DIABLO: variants seen among roughly 807,000 people sequenced by gnomAD.
DIABLO encodes diablo IAP-binding mitochondrial protein, also known as diablo homolog, mitochondrial.
DIABLO carries 32 observed loss-of-function variants against 31.7 expected under a neutral mutation model. The observed-to-expected ratio is 1.01, with a 90% CI of 0.76 to 1.35. The LOEUF (loss-of-function observed/expected upper bound fraction) is 1.35. Ranked by LOEUF, DIABLO falls within the 40% of genes most tolerant of loss-of-function variation. The pLI is 0.00. For missense variants in DIABLO, 316 were observed against 286.4 expected (o/e 1.10, Z -0.75); for synonymous variants, 132 against 103.2 (o/e 1.28, Z -1.69).
intron 5 of DIABLO, among the ~76,000 whole-genome samples, chr12:122,214,119 A>C (rs28579554): frequency 0.058 from 8,816 of 152,174 alleles, 651 homozygotes; most frequent in African/African-American, 0.17. Context: ...ACAACAACAA[A>C]AAAAACCTTC....
intron 5 of DIABLO, chr12:122,209,990 G>T: frequency 1.7e-6 from 1 of 574,418 alleles, no homozygotes; most frequent in Non-Finnish European, 3.1e-6. Flanking sequence ...TATGTTAAGT[G>T]GTTTTTCTCC....
In DIABLO at chr12:122,207,846, T is replaced by C. The variant is rs563814221; in HGVS notation, c.*535A>G. The C allele has an allele frequency of 6.5e-6, 3 of 460,552 alleles. No individual in the cohort carries two copies. The highest frequency in any genetic ancestry group is 4.6e-5 in the South Asian group (3 of 64,528). The allele number at this position is 460,552 out of a possible 1,614,324, so 28.5% of individuals were successfully genotyped here. ...TCTGCACCCCTTCTCTTAGTAGTAA[T>C]AGGTTTTTCACTCCTTGGCCTCAGC... On this transcript the variant is annotated 3_prime_UTR_variant, in exon 6 of 6. Transcript: ENST00000464942.
At position 122,208,327 on chromosome 12, in the gene DIABLO, A is replaced by G. The variant is rs7294427; in HGVS notation, c.*54T>C. 0.041 allele frequency: 65,914 copies of G among 1,597,692 alleles called. 12,184 individuals are homozygous for G. The African/African-American group carries it at 0.55, about 13-fold the overall frequency. On this transcript the variant is annotated 3_prime_UTR_variant, in exon 6 of 6. Coordinates refer to ENST00000464942, the MANE Select transcript of DIABLO (RefSeq NM_001371333.1). Reference sequence around the variant, plus strand: ...TCATGCCAACCCTGGGCAGGGTGGCATCTGCCCCTGCTTTCCCCACTGAGT... The same window carrying G: ...TCATGCCAACCCTGGGCAGGGTGGCGTCTGCCCCTGCTTTCCCCACTGAGT...
At chr12:122,219,498 C>T (rs931248061) in intron 2 of DIABLO, among the ~76,000 whole-genome samples, 1 of 151,988 alleles carries the variant, frequency 6.6e-6, no homozygotes, top group Non-Finnish European at 1.5e-5. Context: ...AGGGAGCAAT[C>T]AGTTCTATGT....
At chr12:122,221,202 G>C (rs538636830) in intron 2 of DIABLO, 1 of 152,332 alleles carries the variant, frequency 6.6e-6, no homozygotes, top group Admixed American at 6.5e-5. Flanking sequence ...AATAAGGAAA[G>C]GCTTTAAATA....
chr12:122,226,034 A>C lies in DIABLO; in HGVS notation c.-20T>G. On this transcript the variant is annotated 5_prime_UTR_variant, in exon 1 of 6. Coordinates refer to ENST00000464942, the MANE Select transcript of DIABLO (RefSeq NM_001371333.1). ...CGCCATTGTGCAGCGCGCGGACGCC[A>C]GACGCACACGCCGGAAGTGACGCAG... 6.3e-7 allele frequency: 1 copy of C among 1,599,070 alleles called. No homozygotes were observed. Among genetic ancestry groups the C allele is most frequent in the Non-Finnish European group, 8.5e-7 (1 of 1,174,438 alleles).
At chr12:122,215,501 G>C (rs1954188365) in intron 5 of DIABLO, among the ~76,000 whole-genome samples, 1 of 152,236 alleles carries the variant, frequency 6.6e-6, no homozygotes, top group Non-Finnish European at 1.5e-5. Flanking sequence ...CTACTTGGGA[G>C]GCTGAGGCAG....
At chr12:122,223,678 G>C (rs1236248288) in intron 2 of DIABLO, among the ~76,000 whole-genome samples, 2 of 151,976 alleles carry the variant, frequency 1.3e-5, no homozygotes, top group Non-Finnish European at 2.9e-5. Flanking sequence ...GCTCCTCCCC[G>C]CACCAGATAG....
At chr12:122,225,793 G>A (rs924028331) in intron 1 of DIABLO, 172 bp downstream of exon 1, 14 of 1,460,822 alleles carry the variant, frequency 9.6e-6, no homozygotes, top group Admixed American at 2.5e-5. Context: ...TGACCCAGGG[G>A]GCGGAGGCGG....
At position 122,208,420 on chromosome 12, in the gene DIABLO, C is replaced by G; in HGVS notation, c.681G>C (p.Arg227=). 1 of 1,613,484 alleles carries G rather than the reference C, an allele frequency of 6.2e-7. No homozygotes were observed. Among genetic ancestry groups the G allele is most frequent in the Non-Finnish European group, 8.5e-7 (1 of 1,180,036 alleles). The change falls in exon 6 of 6, where the codon CGG becomes CGC. Residue 227 remains arginine (R), a synonymous_variant. Coordinates refer to ENST00000464942, the MANE Select transcript of DIABLO (RefSeq NM_001371333.1). ...RQKTQEEGEE[R]AESEQEAYLR... is the part of the protein sequence containing the mutation. The stretch of plus-strand genomic sequence containing the variant: ...GGTAGGCCTCCTGCTCCGACTCAGC[C>G]CGCTCCTCCCCTTCCTCCTGTGTTT...
At chr12:122,216,711 CAT>C (rs770727482) in intron 4 of DIABLO, 46 bp downstream of exon 4, 18 of 1,569,200 alleles carry the variant, frequency 1.1e-5, no homozygotes, top group Non-Finnish European at 1.5e-5. Flanking sequence ...TTAGATACCA[CAT>C]GAGGTAGGTG....
At chr12:122,209,664 C>A (rs533953446) in intron 5 of DIABLO, 3 of 683,050 alleles carry the variant, frequency 4.4e-6, no homozygotes, top group Admixed American at 2.1e-5. Flanking sequence ...CTCGTCTCCC[C>A]CCCAAAAAAA....
In DIABLO at chr12:122,218,374, A is replaced by G. The variant is rs1242867334; in HGVS notation, c.207T>C (p.Ser69=). Residue 69 remains serine, a synonymous_variant, in exon 3 of 6, where the codon AGT becomes AGC. Transcript: ENST00000464942. Reference sequence around the variant, plus strand: ...CTGCTCTCCTCATCAATGCTTCACTACTAAGGGAATGAGGCTCTGATTTCT... The same window carrying G: ...CTGCTCTCCTCATCAATGCTTCACTGCTAAGGGAATGAGGCTCTGATTTCT... ...IAQKSEPHSL[S]SEALMRRAVS... 2 of 1,614,182 alleles carry G rather than the reference A, an allele frequency of 1.2e-6. No individual in the cohort carries two copies. The highest frequency in any genetic ancestry group is 1.7e-6 in the Non-Finnish European group (2 of 1,180,032).
At chr12:122,225,627 C>A in intron 1 of DIABLO, 1 of 1,279,516 alleles carries the variant, frequency 7.8e-7, no homozygotes, top group Non-Finnish European at 1.0e-6. Flanking sequence ...TTCCCGGACT[C>A]CCCCCATGCC....
At chr12:122,226,781 A>T, upstream of DIABLO, 4 of 547,256 alleles carry the variant, frequency 7.3e-6, no homozygotes, top group Non-Finnish European at 1.3e-5. Flanking sequence ...TTCGGCTCTG[A>T]TCCGGGCTGA....
chr12:122,208,673 C>T, intron 5 of DIABLO, 96 bp from the exon 6 acceptor site: 1 of 1,297,062 alleles, frequency 7.7e-7, no homozygotes, highest in Non-Finnish European at 1.1e-6. Context: ...GTCATCTGAA[C>T]CCCTCTTGGG....
At position 122,216,501 on chromosome 12, in the gene DIABLO, A is replaced by G. The variant is rs755360766; in HGVS notation, c.510T>C (p.Ala170=). ...ACTTGAACCTACCAGTTTGATATGC[A>G]GCTTCTGCTGCCATCTCTGAAAGAC... ...AVGLSEMAAE[A]AYQTGADQAS... Residue 170 remains alanine, a synonymous_variant, in exon 5 of 6, where the codon GCT becomes GCC. Coordinates refer to ENST00000464942, the MANE Select transcript of DIABLO (RefSeq NM_001371333.1). The G allele has an allele frequency of 4.0e-5, 64 of 1,613,972 alleles. No homozygotes were observed. In the South Asian group the frequency reaches 6.6e-4, roughly 17 times the overall value.
rs1403442039 is a variant in DIABLO, at chr12:122,215,882, GGAAAAAAA to G, written c.523+598_523+605del. 2.9e-3 allele frequency among the ~76,000 whole-genome samples: 60 copies of G among 20,932 alleles called. 1 individual carries two copies. Among genetic ancestry groups the G allele is most frequent in the South Asian group, 0.028 (9 of 326 alleles). 13.7% of individuals were successfully genotyped at this position (20,932 alleles called of 152,430 possible). A position where few individuals can be genotyped will look rare whatever the true frequency, so the allele number is the denominator to read the frequency against. On this transcript the variant is annotated intron_variant, in intron 5 of 5. Transcript: ENST00000464942. ...TAAAACCCCATCTCTATTTTATGAA[GGAAAAAAA>G]AAAAAAAAAAAAAAAGACCTACTCA...
rs185708262 is a variant in DIABLO at position 122,207,750 on chromosome 12, A to G, written c.*631T>C. 2.0e-4 allele frequency: 98 copies of G among 486,276 alleles called. No individual in the cohort carries two copies. The highest frequency in any genetic ancestry group is 1.5e-3 in the African/African-American group (76 of 51,384). The allele number at this position is 486,276 out of a possible 1,614,324, so 30.1% of individuals were successfully genotyped here. A position where few individuals can be genotyped will look rare whatever the true frequency, so the allele number is the denominator to read the frequency against. On this transcript the variant is annotated 3_prime_UTR_variant, in exon 6 of 6. Coordinates refer to ENST00000464942, the MANE Select transcript of DIABLO (RefSeq NM_001371333.1). ...TTGGATACAATAGAGAAACGGAAAGAAAGGAAGGAACAAGAGGCCTGTGTT... is the reference window on the plus strand; with the variant it reads ...TTGGATACAATAGAGAAACGGAAAGGAAGGAAGGAACAAGAGGCCTGTGTT...
Sources: gnomAD v4.1 joint callset for allele counts (sites outside exome capture counted in the v4.1 genomes callset) on GRCh38, gnomAD v4.1.1 for gene constraint, MANE v1.5 for transcripts, NCBI Gene and HGNC (gene_info 2026-07-23, HGNC 2026-07-21) for gene names.